Variants in BZW2 observed in about 807,000 individuals in gnomAD.
The protein encoded by BZW2 is eIF5-mimic protein 1.
In BZW2, 23 loss-of-function variants were observed where a neutral mutation model predicts 53.2. That is an observed-to-expected ratio of 0.43 (90% CI 0.31 to 0.61). The LOEUF (loss-of-function observed/expected upper bound fraction) is 0.61. Among genes scored for constraint, BZW2 ranks in the 20% least tolerant of loss-of-function variants. The pLI is 0.09. For synonymous variants in BZW2, 227 were observed against 186.4 expected (o/e 1.22, Z -1.77); for missense variants, 409 against 503.1 (o/e 0.81, Z 1.79).
At chr7:16,690,970 C>A (rs1480221541) in intron 7 of BZW2, among the ~76,000 whole-genome samples, 1 of 152,188 alleles carries the variant, frequency 6.6e-6, no homozygotes, top group Non-Finnish European at 1.5e-5. Flanking sequence ...CAATGTGTTT[C>A]AGTGTGCAAG....
intron 2 of BZW2, among the ~76,000 whole-genome samples, chr7:16,673,732 G>C (rs1435664026): frequency 6.6e-6 from 1 of 151,932 alleles, no homozygotes; most frequent in Non-Finnish European, 1.5e-5. Context: ...GGATTCCAGA[G>C]TCTTTTTCCA....
intron 1 of BZW2, among the ~76,000 whole-genome samples, chr7:16,663,312 C>T (rs905298016): frequency 6.6e-6 from 1 of 152,076 alleles, no homozygotes; most frequent in Non-Finnish European, 1.5e-5. Flanking sequence ...TTTATCCTTC[C>T]TAGTGAGTTT....
In BZW2 at chr7:16,671,173, T is replaced by C. The variant is rs548354677; in HGVS notation, c.59-3239T>C. On this transcript the variant is annotated intron_variant, in intron 2 of 11. Transcript: ENST00000258761. Reference sequence around the variant, plus strand: ...ATGGAAAATGATGATTCAGCTCTCTTTCATTGCTTGCTTCCCCCCATCCCC... The same window carrying C: ...ATGGAAAATGATGATTCAGCTCTCTCTCATTGCTTGCTTCCCCCCATCCCC... 3.9e-5 allele frequency among the ~76,000 whole-genome samples: 6 copies of C among 152,304 alleles called. No individual in the cohort carries two copies. The East Asian group carries it at 1.2e-3, about 29-fold the overall frequency.
intron 1 of BZW2, among the ~76,000 whole-genome samples, chr7:16,664,474 G>A (rs1232298591): frequency 6.6e-6 from 1 of 152,194 alleles, no homozygotes; most frequent in Non-Finnish European, 1.5e-5. Flanking sequence ...TGAAAGAGAG[G>A]CAGGAACAGA....
chr7:16,664,594 G>A lies in BZW2; in HGVS notation c.-7-843G>A, dbSNP rs141643549. Reference sequence around the variant, plus strand: ...GATGTGTATTGAACATACATATACCGTCAGAAAGGTAGCCAGGATCAGAAA... The same window carrying A: ...GATGTGTATTGAACATACATATACCATCAGAAAGGTAGCCAGGATCAGAAA... On this transcript the variant is annotated intron_variant, in intron 1 of 11. Transcript: ENST00000258761. 3.0e-3 allele frequency among the ~76,000 whole-genome samples: 458 copies of A among 152,300 alleles called. 6 individuals carry two copies. Among genetic ancestry groups the A allele is most frequent in the African/African-American group, 9.5e-3 (395 of 41,572 alleles).
intron 3 of BZW2, among the ~76,000 whole-genome samples, chr7:16,678,174 A>G (rs1181386244): frequency 1.4e-5 from 2 of 145,332 alleles, no homozygotes; most frequent in African/African-American, 5.2e-5. Flanking sequence ...GAATCAGGCA[A>G]TTATCTCGAG....
chr7:16,654,465 G>A (rs1362894553), intron 1 of BZW2, among the ~76,000 whole-genome samples: 1 of 150,436 alleles, frequency 6.6e-6, no homozygotes, highest in Non-Finnish European at 1.5e-5. Flanking sequence ...AGCATAATAT[G>A]AGAAAAGATG....
chr7:16,648,549 A>G (rs1781920704), intron 1 of BZW2, among the ~76,000 whole-genome samples: 1 of 152,216 alleles, frequency 6.6e-6, no homozygotes, highest in Non-Finnish European at 1.5e-5. Context: ...GTCTCCATCT[A>G]GCTAATTCAG....
intron 1 of BZW2, among the ~76,000 whole-genome samples, chr7:16,664,191 G>T (rs756185904): frequency 1.3e-5 from 2 of 152,142 alleles, no homozygotes; most frequent in African/African-American, 2.4e-5. Flanking sequence ...CAATATAAAA[G>T]ATACAGAATG....
At chr7:16,665,604 T>C in intron 2 of BZW2, 103 bp downstream of exon 2, 1 of 1,533,304 alleles carries the variant, frequency 6.5e-7, no homozygotes, top group Non-Finnish European at 8.8e-7. Context: ...TCACTGATTC[T>C]ACTCATTTGA....
Position 16,682,398 on chromosome 7 carries a change from A to T in BZW2, c.340-382A>T, listed in dbSNP as rs80272882. Among the ~76,000 whole-genome samples, 1,075 of 152,292 alleles carry T rather than the reference A, an allele frequency of 7.1e-3. 18 individuals are homozygous for T. Among genetic ancestry groups the T allele is most frequent in the African/African-American group, 0.024 (1,014 of 41,554 alleles). ...CATGTTTGTTGTCCACCTAGAGTAG[A>T]ATCTGTCCTGCACTTTGCTCTCCTC... On this transcript the variant is annotated intron_variant, in intron 4 of 11. Coordinates refer to ENST00000258761, the MANE Select transcript of BZW2 (RefSeq NM_014038.3).
intron 1 of BZW2, among the ~76,000 whole-genome samples, chr7:16,660,037 G>A (rs1356632489): frequency 1.4e-5 from 2 of 145,850 alleles, no homozygotes; most frequent in Admixed American, 1.4e-4. Flanking sequence ...CTGTGTCCAC[G>A]TGTTCTCATT....
intron 1 of BZW2, among the ~76,000 whole-genome samples, chr7:16,655,441 A>G (rs927164935): frequency 2.0e-4 from 31 of 152,318 alleles, no homozygotes; most frequent in African/African-American, 7.2e-4. Context: ...TGGTGTTTCC[A>G]TATACATATA....
At chr7:16,698,949 C>T (rs1268395912) in intron 10 of BZW2, among the ~76,000 whole-genome samples, 1 of 152,066 alleles carries the variant, frequency 6.6e-6, no homozygotes, top group Non-Finnish European at 1.5e-5. Context: ...ATAATACCAG[C>T]CAAATGTTTA....
At chr7:16,688,685 A>C (rs2128365060) in intron 6 of BZW2, 1 of 152,354 alleles carries the variant, frequency 6.6e-6, no homozygotes, top group South Asian at 2.1e-4. Context: ...TAAATGTTTC[A>C]GTTACATCTT....
At chr7:16,691,735 C>T (rs146382600) in intron 7 of BZW2, among the ~76,000 whole-genome samples, 10 of 152,324 alleles carry the variant, frequency 6.6e-5, no homozygotes, top group Non-Finnish European at 1.3e-4. Flanking sequence ...AACAAAGATA[C>T]AATCTATCCG....
At position 16,648,290 on chromosome 7, in the gene BZW2, A is replaced by G. The variant is rs549350137; in HGVS notation, c.-8+2002A>G. ...GTATTTAGTCTGTGCTAGATATTCT[A>G]CCAGATGCTTTGCATAGAATTATTC... On this transcript the variant is annotated intron_variant, in intron 1 of 11. Transcript: ENST00000258761. 3.9e-5 allele frequency among the ~76,000 whole-genome samples: 6 copies of G among 152,322 alleles called. No homozygotes were observed. In the East Asian group the frequency reaches 1.2e-3, roughly 29 times the overall value.
chr7:16,681,261 T>G, intron 3 of BZW2, 40 bp from the exon 4 acceptor site: 1 of 1,492,490 alleles, frequency 6.7e-7, no homozygotes, highest in Non-Finnish European at 9.3e-7. Context: ...TGTTCTCAAT[T>G]TCAGTATTAT....
At chr7:16,690,867 G>C (rs1024545319) in intron 7 of BZW2, among the ~76,000 whole-genome samples, 1 of 152,124 alleles carries the variant, frequency 6.6e-6, no homozygotes, top group African/African-American at 2.4e-5. Flanking sequence ...GATTTCTCCA[G>C]GTGGAATTGC....
Sources: allele counts gnomAD v4.1 joint callset (sites outside exome capture counted in the v4.1 genomes callset), GRCh38; gene constraint gnomAD v4.1.1; transcripts MANE v1.5; gene names NCBI Gene and HGNC (gene_info 2026-07-23, HGNC 2026-07-21).